Variants in DUSP16 observed in about 807,000 individuals in gnomAD.
DUSP16 encodes dual specificity phosphatase 16.
In DUSP16, 21 loss-of-function variants were observed where a neutral mutation model predicts 58.3. That is an observed-to-expected ratio of 0.36 (90% confidence interval 0.26 to 0.52). The LOEUF is 0.52. Among genes scored for constraint, DUSP16 ranks in the 20% least tolerant of loss-of-function variants. The pLI, the probability that DUSP16 is intolerant of heterozygous loss-of-function variation, is 0.94. For synonymous variants in DUSP16, 320 were observed against 323.8 expected, an observed-to-expected ratio of 0.99 and a Z score of 0.12; for missense variants, 726 against 819.0, an observed-to-expected ratio of 0.89 and a Z score of 1.39.
intron 4 of DUSP16, among the ~76,000 whole-genome samples, chr12:12,496,054 G>A (rs566970072): frequency 1.3e-5 from 2 of 152,290 alleles, no homozygotes; most frequent in East Asian, 1.9e-4. Flanking sequence ...GGCTGGTAAG[G>A]TGGAGAACTG....
chr12:12,486,954 T>C, intron 5 of DUSP16, 74 bp downstream of exon 5: 1 of 1,544,956 alleles, frequency 6.5e-7, no homozygotes, highest in Non-Finnish European at 8.9e-7. Context: ...AAAGAAAAAA[T>C]GGGGGGCTGA....
chr12:12,521,337 A>G lies in DUSP16; in HGVS notation c.-239T>C, dbSNP rs866442607. On this transcript the variant is annotated 5_prime_UTR_variant, in exon 2 of 7. The change abolishes an upstream ATG in the 5' untranslated region. Transcript: ENST00000298573. The stretch of plus-strand genomic sequence containing the variant: ...CTCCGTCCACAAAGCAGCCCCTCAC[A>G]TTTGATTCATAAAGAGATGACTGGA... 3.6e-6 allele frequency: 5 copies of G among 1,390,308 alleles called. No homozygotes were observed. The highest frequency in any genetic ancestry group is 6.0e-5 in the Admixed American group (2 of 33,064). The allele number at this position is 1,390,308 out of a possible 1,614,324, so 86.1% of individuals were successfully genotyped here.
chr12:12,553,441 A>G (rs1944760878), intron 1 of DUSP16, among the ~76,000 whole-genome samples: 1 of 152,234 alleles, frequency 6.6e-6, no homozygotes, highest in East Asian at 1.9e-4. Context: ...CATGTCTTCC[A>G]AGGATAAAAG....
intron 4 of DUSP16, among the ~76,000 whole-genome samples, chr12:12,488,564 G>T (rs1450400227): frequency 6.6e-6 from 1 of 152,172 alleles, no homozygotes. Context: ...TCCCCCTGCT[G>T]CCTCTCAGGA....
chr12:12,487,256 A>ATC, intron 4 of DUSP16, 69 bp from the exon 5 acceptor site: 1 of 1,515,152 alleles, frequency 6.6e-7, no homozygotes, highest in Non-Finnish European at 9.0e-7. Flanking sequence ...TGAAAGAGTG[A>ATC]AGTTTAATGT....
chr12:12,531,246 C>T (rs549077970), intron 1 of DUSP16, among the ~76,000 whole-genome samples: 41 of 152,180 alleles, frequency 2.7e-4, no homozygotes, highest in South Asian at 8.3e-4. Flanking sequence ...AATGCAACAC[C>T]GACACCAAAC....
At chr12:12,486,119 T>C (rs1010497503) in intron 5 of DUSP16, among the ~76,000 whole-genome samples, 17 of 152,044 alleles carry the variant, frequency 1.1e-4, no homozygotes, top group Non-Finnish European at 2.4e-4. Context: ...AAGAACTAGT[T>C]CTTTTATTTT....
intron 1 of DUSP16, among the ~76,000 whole-genome samples, chr12:12,522,021 T>C (rs1944244624): frequency 6.6e-6 from 1 of 152,206 alleles, no homozygotes; most frequent in Non-Finnish European, 1.5e-5. Flanking sequence ...CCTTTTAAAA[T>C]TGCCCTCACG....
intron 4 of DUSP16, among the ~76,000 whole-genome samples, chr12:12,489,987 G>C (rs1383804074): frequency 2.6e-5 from 4 of 152,150 alleles, no homozygotes; most frequent in Non-Finnish European, 5.9e-5. Flanking sequence ...CTTTGATGTG[G>C]GTTCAATTAT....
chr12:12,517,452 T>C (rs1487879353), intron 3 of DUSP16, among the ~76,000 whole-genome samples: 2 of 152,188 alleles, frequency 1.3e-5, no homozygotes, highest in African/African-American at 4.8e-5. Context: ...TTTGTCAATA[T>C]GTCCTTCTGT....
At chr12:12,522,599 T>G (rs1944252583) in intron 1 of DUSP16, among the ~76,000 whole-genome samples, 1 of 152,040 alleles carries the variant, frequency 6.6e-6, no homozygotes, top group Admixed American at 6.5e-5. Flanking sequence ...GGTCTTGCTC[T>G]GTCACCCAGG....
At chr12:12,553,289 G>T (rs776714861) in intron 1 of DUSP16, among the ~76,000 whole-genome samples, 1 of 152,066 alleles carries the variant, frequency 6.6e-6, no homozygotes, top group Non-Finnish European at 1.5e-5. Flanking sequence ...TTAAGTATAT[G>T]TATACAAGAG....
intron 1 of DUSP16, among the ~76,000 whole-genome samples, chr12:12,556,937 T>C (rs12823123): frequency 0.24 from 36,835 of 152,124 alleles, 5,154 homozygotes; most frequent in Non-Finnish European, 0.29. Context: ...TCTTTTCTTT[T>C]GTATGTTCCC....
intron 1 of DUSP16, among the ~76,000 whole-genome samples, chr12:12,561,557 G>T (rs949096207): frequency 6.6e-6 from 1 of 152,116 alleles, no homozygotes; most frequent in Non-Finnish European, 1.5e-5. Context: ...GCCAAGACCC[G>T]AGCCCCTGTC....
chr12:12,501,789 C>T (rs563949728), intron 3 of DUSP16, among the ~76,000 whole-genome samples: 2 of 152,126 alleles, frequency 1.3e-5, no homozygotes, highest in Admixed American at 6.5e-5. Flanking sequence ...GTCAGGGGTT[C>T]GAGACCAGCC....
intron 4 of DUSP16, among the ~76,000 whole-genome samples, chr12:12,499,800 T>G (rs962927): frequency 0.36 from 55,017 of 151,960 alleles, 10,975 homozygotes; most frequent in Non-Finnish European, 0.44. Flanking sequence ...AGCACTATTT[T>G]GCAGCATTAC....
chr12:12,514,370 A>T (rs1201124767), intron 3 of DUSP16, among the ~76,000 whole-genome samples: 2 of 152,164 alleles, frequency 1.3e-5, no homozygotes. Flanking sequence ...AGACCCTGAA[A>T]CCTTCTGCAG....
At chr12:12,545,468 G>A (rs951991363) in intron 1 of DUSP16, among the ~76,000 whole-genome samples, 4 of 132,722 alleles carry the variant, frequency 3.0e-5, no homozygotes, top group African/African-American at 8.5e-5. Context: ...TTTCCGTAAA[G>A]ACAAGGTTTC....
intron 4 of DUSP16, among the ~76,000 whole-genome samples, chr12:12,490,384 T>C (rs941212619): frequency 6.6e-6 from 1 of 151,838 alleles, no homozygotes; most frequent in African/African-American, 2.4e-5. Context: ...ATAAAACAAG[T>C]ACAATTTGTA....
Sources: allele counts gnomAD v4.1 joint callset (sites outside exome capture counted in the v4.1 genomes callset), GRCh38; gene constraint gnomAD v4.1.1; transcripts MANE v1.5; gene names NCBI Gene and HGNC (gene_info 2026-07-23, HGNC 2026-07-21).